The following CDK14 variants were observed in gnomAD, a reference collection of about 807,000 sequenced individuals.
CDK14 encodes cyclin-dependent kinase 14.
CDK14 carries 34 observed loss-of-function variants against 60.7 expected under a neutral mutation model. The observed-to-expected ratio is 0.56, with a 90% CI of 0.43 to 0.75. CDK14 has a LOEUF of 0.75. CDK14 is among the 30% of genes least tolerant of loss of function. The probability of loss-of-function intolerance (pLI) is 0.00; values close to 1 mark genes in which losing one functional copy is unlikely to be tolerated. For synonymous variants in CDK14, 197 were observed against 203.7 expected (o/e 0.97, Z 0.28); for missense variants, 482 against 564.1 (o/e 0.85, Z 1.47).
chr7:91,167,191 A>G (rs1198957809), intron 14 of CDK14, among the ~76,000 whole-genome samples: 2 of 152,246 alleles, frequency 1.3e-5, no homozygotes, highest in Admixed American at 6.5e-5. Flanking sequence ...CGAACAACAC[A>G]CAGACAAAAT....
chr7:91,149,513 A>G (rs973852691), intron 14 of CDK14, among the ~76,000 whole-genome samples: 2 of 152,210 alleles, frequency 1.3e-5, no homozygotes, highest in Admixed American at 6.5e-5. Context: ...TAGCTAATGC[A>G]TAAAATGTTA....
At chr7:90,863,680 GTGTGTGTGTGTGTGTGTT>G (rs1018640842) in intron 6 of CDK14, among the ~76,000 whole-genome samples, 1 of 151,238 alleles carries the variant, frequency 6.6e-6, no homozygotes, top group East Asian at 1.9e-4. Context: ...ATGTGTGTGT[GTGTGTGTGTGTGTGTGTT>G]TGTGTGTGTG....
intron 4 of CDK14, among the ~76,000 whole-genome samples, chr7:90,766,352 A>G (rs1393464074): frequency 6.6e-6 from 1 of 152,206 alleles, no homozygotes; most frequent in Non-Finnish European, 1.5e-5. Context: ...GAATGTATGT[A>G]AGCAAATACA....
At chr7:90,810,196 A>G (rs918859821) in intron 5 of CDK14, among the ~76,000 whole-genome samples, 90 of 152,362 alleles carry the variant, frequency 5.9e-4, no homozygotes, top group African/African-American at 2.1e-3. Flanking sequence ...AATATCCCTC[A>G]TGAACATCGA....
chr7:90,954,082 A>G (rs968372197), intron 8 of CDK14, among the ~76,000 whole-genome samples: 12 of 152,202 alleles, frequency 7.9e-5, no homozygotes, highest in South Asian at 2.1e-4. Context: ...TGTACATTTT[A>G]ATATGGAATA....
At chr7:90,711,605 G>C (rs1328596713) in intron 2 of CDK14, among the ~76,000 whole-genome samples, 1 of 151,978 alleles carries the variant, frequency 6.6e-6, no homozygotes, top group Non-Finnish European at 1.5e-5. Flanking sequence ...TGCAAATATT[G>C]ATTAGCCACC....
At chr7:91,173,982 G>A (rs1166069062) in intron 14 of CDK14, among the ~76,000 whole-genome samples, 1 of 152,190 alleles carries the variant, frequency 6.6e-6, no homozygotes, top group Non-Finnish European at 1.5e-5. Context: ...GCCTGCCTCT[G>A]TAGGCTCCAC....
chr7:90,604,731 C>T (rs1233453604), intron 2 of CDK14, among the ~76,000 whole-genome samples: 2 of 152,120 alleles, frequency 1.3e-5, no homozygotes, highest in Admixed American at 6.5e-5. Context: ...ATATCAGATC[C>T]GTCTTGATCT....
chr7:91,160,393 G>A (rs1482055638), intron 14 of CDK14, among the ~76,000 whole-genome samples: 1 of 152,078 alleles, frequency 6.6e-6, no homozygotes, highest in Non-Finnish European at 1.5e-5. Context: ...GACTTCCCTG[G>A]GCTGTGGAAT....
At chr7:91,181,230 C>T (rs1801990673) in intron 14 of CDK14, among the ~76,000 whole-genome samples, 1 of 152,080 alleles carries the variant, frequency 6.6e-6, no homozygotes, top group Non-Finnish European at 1.5e-5. Context: ...CTCCCTTTCC[C>T]TCTATTCACC....
chr7:91,057,184 C>T (rs1195931657), intron 11 of CDK14, among the ~76,000 whole-genome samples: 2 of 152,084 alleles, frequency 1.3e-5, no homozygotes, highest in Non-Finnish European at 2.9e-5. Context: ...TTTTCATGTG[C>T]CTTTTGGCTG....
At position 90,602,147 on chromosome 7, in the gene CDK14, A is replaced by G. The variant is rs1041432669; in HGVS notation, c.92-2071A>G. On this transcript the variant is annotated intron_variant, in intron 1 of 14. Coordinates refer to ENST00000380050, the MANE Select transcript of CDK14 (RefSeq NM_001287135.2). ...TAGTTCTTATTGGATGCTTTGCTTA[A>G]GAAAACACATGGCTAAATTTCCAGA... Among the ~76,000 whole-genome samples, 5 of 152,166 alleles carry G rather than the reference A, an allele frequency of 3.3e-5. No individual in the cohort carries two copies. In the East Asian group the frequency reaches 9.6e-4, roughly 29 times the overall value.
At chr7:90,986,972 C>A (rs1041215229) in intron 10 of CDK14, among the ~76,000 whole-genome samples, 3 of 151,836 alleles carry the variant, frequency 2.0e-5, no homozygotes, top group African/African-American at 7.2e-5. Flanking sequence ...GCTCAACTTA[C>A]ATATTACTTT....
chr7:91,002,122 A>G (rs1049914194), intron 10 of CDK14, among the ~76,000 whole-genome samples: 2 of 152,206 alleles, frequency 1.3e-5, no homozygotes, highest in Admixed American at 6.5e-5. Context: ...ATAGCCTGCA[A>G]ATAAAAAACA....
chr7:91,151,263 A>G (rs904253138), intron 14 of CDK14, among the ~76,000 whole-genome samples: 2 of 152,190 alleles, frequency 1.3e-5, no homozygotes, highest in Non-Finnish European at 2.9e-5. Flanking sequence ...CTGATTTGCT[A>G]ACAGGTACAA....
chr7:90,804,613 G>A (rs1788755880), intron 5 of CDK14, among the ~76,000 whole-genome samples: 1 of 152,072 alleles, frequency 6.6e-6, no homozygotes, highest in Admixed American at 6.6e-5. Flanking sequence ...TCTGCCAACT[G>A]ATATCAACAA....
chr7:91,072,889 C>T (rs140032016), intron 11 of CDK14, among the ~76,000 whole-genome samples: 1 of 151,420 alleles, frequency 6.6e-6, no homozygotes, highest in Non-Finnish European at 1.5e-5. Context: ...TATCAATAGC[C>T]AAATTGATCA....
chr7:91,190,166 A>G (rs779731379), intron 14 of CDK14, among the ~76,000 whole-genome samples: 2 of 152,220 alleles, frequency 1.3e-5, no homozygotes, highest in Admixed American at 6.5e-5. Flanking sequence ...AAATGTAGAC[A>G]TGGAGGGGGT....
chr7:90,636,896 T>G (rs891439577), intron 2 of CDK14, among the ~76,000 whole-genome samples: 54 of 151,320 alleles, frequency 3.6e-4, no homozygotes, highest in Non-Finnish European at 7.8e-4. Context: ...TATCCATTTC[T>G]TCTAGATTTT....
Sources: allele counts gnomAD v4.1 joint callset (sites outside exome capture counted in the v4.1 genomes callset), GRCh38; gene constraint gnomAD v4.1.1; transcripts MANE v1.5; gene names NCBI Gene and HGNC (gene_info 2026-07-23, HGNC 2026-07-21).